The following DUSP15 variants were observed in gnomAD, a reference collection of about 807,000 sequenced individuals.
The protein encoded by DUSP15 is dual specificity phosphatase 15, also known as dual specificity protein phosphatase 15.
Under a neutral mutation model 26.3 loss-of-function variants are expected in DUSP15, and 23 were observed. The observed-to-expected ratio is 0.87, with a 90% CI of 0.63 to 1.24. The LOEUF (loss-of-function observed/expected upper bound fraction) is 1.24, where lower values mean the gene tolerates loss of function less well. Ranked by LOEUF, DUSP15 falls within the 50% of genes most tolerant of loss-of-function variation. The pLI, the probability that DUSP15 is intolerant of heterozygous loss-of-function variation, is 0.00. For missense variants in DUSP15, 364 were observed against 320.6 expected (o/e 1.14, Z -1.03); for synonymous variants, 143 against 135.5 (o/e 1.06, Z -0.39).
chr20:31,859,162 C>T (rs1600455749), downstream of DUSP15, among the ~76,000 whole-genome samples: 1 of 152,152 alleles, frequency 6.6e-6, no homozygotes, highest in South Asian at 2.1e-4. Context: ...AAATGTGTCT[C>T]TCTGCTCCCT....
At chr20:31,869,436 C>A in intron 2 of DUSP15, 128 bp downstream of exon 2, 1 of 1,316,932 alleles carries the variant, frequency 7.6e-7, no homozygotes, top group Non-Finnish European at 1.1e-6. Context: ...TTTTCCCCCT[C>A]CCAGCCTGGG....
chr20:31,870,091 GAC>G lies in DUSP15; in HGVS notation c.21+224_21+225del, dbSNP rs1386697071. ...TGACAGCCACAGCAAGACAGCGAGA[GAC>G]ACACAGAGTCACGGAGAGAGGGCGG... On this transcript the variant is annotated intron_variant, in intron 1 of 6. Transcript: ENST00000339738. The surrounding 1 kb of genome is among the most constrained non-coding windows in gnomAD (Gnocchi z 6.6). 8.8e-6 allele frequency: 11 copies of G among 1,256,004 alleles called. No homozygotes were observed. In the Admixed American group the frequency reaches 1.5e-4, roughly 17 times the overall value. The allele number at this position is 1,256,004 out of a possible 1,614,324, so 77.8% of individuals were successfully genotyped here.
At chr20:31,853,827 C>T (rs1207993599) in intron 6 of DUSP15, among the ~76,000 whole-genome samples, 1 of 152,128 alleles carries the variant, frequency 6.6e-6, no homozygotes, top group African/African-American at 2.4e-5. Context: ...TGGTCTCGAA[C>T]TCTTGGGCTC....
rs2062644223 is a variant in DUSP15, at chr20:31,861,350, C to G, written c.*53G>C. The G allele has an allele frequency of 2.1e-6, 3 of 1,450,652 alleles. No individual in the cohort carries two copies. The highest frequency in any genetic ancestry group is 1.8e-6 in the Non-Finnish European group (2 of 1,107,094). The allele number at this position is 1,450,652 out of a possible 1,614,324, so 89.9% of individuals were successfully genotyped here. A position where few individuals can be genotyped will look rare whatever the true frequency, so the allele number is the denominator to read the frequency against. ...TCCTGGGGGGCGTGGAAGGCGCAGA[C>G]AGCCCCCGAAGGGAGCCAGTCGGAA... is the stretch of plus-strand genomic sequence containing the variant. On this transcript the variant is annotated 3_prime_UTR_variant, in exon 7 of 7. Transcript: ENST00000339738.
At chr20:31,850,695 C>T (rs2062454939) in intron 6 of DUSP15, 1 of 1,607,516 alleles carries the variant, frequency 6.2e-7, no homozygotes, top group South Asian at 1.1e-5. Flanking sequence ...GGAGAGGAAG[C>T]AGTCAGGCAC....
intron 3 of DUSP15, 51 bp from the exon 4 acceptor site, chr20:31,865,053 T>G (rs2062737797): frequency 1.9e-5 from 31 of 1,604,746 alleles, no homozygotes; most frequent in African/African-American, 2.7e-5. Flanking sequence ...CAACCCTCCC[T>G]GATGCTGGTC....
At chr20:31,860,930 G>A (rs2062635620), downstream of DUSP15, 1 of 935,666 alleles carries the variant, frequency 1.1e-6, no homozygotes, top group African/African-American at 1.8e-5. Context: ...GCGGGAGGGT[G>A]GTGGGCTCCT....
At chr20:31,865,056 T>C (rs573590422) in intron 3 of DUSP15, 54 bp from the exon 4 acceptor site, 1 of 1,600,042 alleles carries the variant, frequency 6.2e-7, no homozygotes, top group African/African-American at 1.3e-5. Context: ...CCCTCCCTGA[T>C]GCTGGTCCGA....
At chr20:31,856,008 T>C (rs746933154) in intron 6 of DUSP15, among the ~76,000 whole-genome samples, 7 of 152,230 alleles carry the variant, frequency 4.6e-5, no homozygotes, top group African/African-American at 7.2e-5. Flanking sequence ...AGTTCTTTAG[T>C]GGTGATTTGT....
Position 31,861,373 on chromosome 20 carries a change from G to A in DUSP15, c.*30C>T, listed in dbSNP as rs1395049396. The A allele has an allele frequency of 1.3e-6, 2 of 1,511,946 alleles. No homozygotes were observed. Among genetic ancestry groups the A allele is most frequent in the Non-Finnish European group, 1.8e-6 (2 of 1,138,844 alleles). The allele number at this position is 1,511,946 out of a possible 1,614,324, so 93.7% of individuals were successfully genotyped here. A position where few individuals can be genotyped will look rare whatever the true frequency, so the allele number is the denominator to read the frequency against. On this transcript the variant is annotated 3_prime_UTR_variant, in exon 7 of 7. Transcript: ENST00000339738. ...GACAGCCCCCGAAGGGAGCCAGTCG[G>A]AAGTGGGGAGCCACGGCTGGACTGC...
chr20:31,849,690 C>A, intron 8 of DUSP15: 1 of 1,532,442 alleles, frequency 6.5e-7, no homozygotes, highest in Non-Finnish European at 8.7e-7. Context: ...GGTGAGGCGG[C>A]AGGCCCTGCA....
chr20:31,849,548 AAGCCGCGTGTGTTC>A (rs1294140596), intron 8 of DUSP15: 2 of 969,180 alleles, frequency 2.1e-6, no homozygotes, highest in East Asian at 4.8e-5. Context: ...CGCCTGGAGG[AAGCCGCGTGTGTTC>A]AGCAGGTGGC....
downstream of DUSP15, among the ~76,000 whole-genome samples, chr20:31,857,376 C>T (rs372246656): frequency 9.9e-5 from 15 of 151,208 alleles, no homozygotes; most frequent in African/African-American, 2.9e-4. Flanking sequence ...AGACTGGTCT[C>T]GAACTCCTGG....
At chr20:31,851,133 T>C (rs1026229480) in intron 6 of DUSP15, among the ~76,000 whole-genome samples, 38 of 152,138 alleles carry the variant, frequency 2.5e-4, no homozygotes, top group African/African-American at 7.5e-4. Context: ...CCCGCCCCCA[T>C]GGAGGTAAAG....
intron 5 of DUSP15, among the ~76,000 whole-genome samples, chr20:31,862,953 A>G (rs577278615): frequency 6.6e-6 from 1 of 152,318 alleles, no homozygotes; most frequent in South Asian, 2.1e-4. Context: ...CAAAAGCCTG[A>G]GTGAAACACC....
intron 6 of DUSP15, among the ~76,000 whole-genome samples, chr20:31,851,677 G>A (rs2062472854): frequency 1.3e-5 from 2 of 152,114 alleles, no homozygotes; most frequent in Admixed American, 1.3e-4. Context: ...GGAGGTCATA[G>A]CCAGAGAGGG....
intron 6 of DUSP15, among the ~76,000 whole-genome samples, chr20:31,855,660 T>C (rs1223922008): frequency 2.0e-5 from 3 of 152,194 alleles, no homozygotes; most frequent in Non-Finnish European, 2.9e-5. Context: ...GTTGTTCACG[T>C]ATATGCATAC....
intron 2 of DUSP15, among the ~76,000 whole-genome samples, chr20:31,867,631 G>GTTTTTTTTTTTTTTTT (rs57662463): frequency 1.3e-5 from 1 of 77,652 alleles, no homozygotes; most frequent in African/African-American, 5.5e-5. Flanking sequence ...TGCCCACAAT[G>GTTTTTTTTTTTTTTTT]TTTTTTTTTT....
At position 31,867,072 on chromosome 20, in the gene DUSP15, T is replaced by G. The variant is rs2062784790; in HGVS notation, c.137A>C (p.Gln46Pro). 1.3e-6 allele frequency: 2 copies of G among 1,580,320 alleles called. No homozygotes were observed. Among genetic ancestry groups the G allele is most frequent in the South Asian group, 2.3e-5 (2 of 86,144 alleles). Residue 46 changes from glutamine to proline, a missense_variant and splice_region_variant, in exon 3 of 7, where the codon CAG (glutamine) becomes CCG (proline). Transcript: ENST00000339738. ...SIHESPQPLL[Q>P]DITYLRIPVA... ...CCCTGGGATGGGGGTAAGAAGTACC[T>G]GCAGCAGAGGCTGGGGTGACTCATG...
Sources: allele counts gnomAD v4.1 joint callset (sites outside exome capture counted in the v4.1 genomes callset), GRCh38; gene constraint gnomAD v4.1.1; non-coding constraint Gnocchi (gnomAD v3.1); transcripts MANE v1.5; gene names NCBI Gene and HGNC (gene_info 2026-07-23, HGNC 2026-07-21).